RTF1: variants seen among roughly 807,000 people sequenced by gnomAD.
RTF1 encodes RNA polymerase-associated protein RTF1 homolog.
A neutral mutation model predicts 95.7 loss-of-function variants in RTF1; 10 were observed. The ratio of observed to expected loss-of-function variants is 0.10; its 90% CI spans 0.06 to 0.18. RTF1 has a LOEUF of 0.18. RTF1 is among the 10% of genes least tolerant of loss of function. The pLI is 1.00. For synonymous variants in RTF1, 305 were observed against 311.8 expected (o/e 0.98, Z 0.23); for missense variants, 458 against 875.6 (o/e 0.52, Z 6.02).
At chr15:41,430,047 GC>G (rs1215959645) in intron 1 of RTF1, among the ~76,000 whole-genome samples, 1 of 118,990 alleles carries the variant, frequency 8.4e-6, no homozygotes, top group Non-Finnish European at 1.7e-5. Context: ...TTGCTCTATT[GC>G]CCAGGCTGGA....
At chr15:41,452,406 T>C (rs1235667126) in intron 2 of RTF1, among the ~76,000 whole-genome samples, 2 of 151,780 alleles carry the variant, frequency 1.3e-5, no homozygotes, top group Non-Finnish European at 2.9e-5. Context: ...CACTGCACTC[T>C]AGCCTGGGTG....
chr15:41,460,121 GTTTTTT>G (rs869235078), intron 4 of RTF1, among the ~76,000 whole-genome samples: 4 of 83,454 alleles, frequency 4.8e-5, no homozygotes, highest in African/African-American at 1.8e-4. Flanking sequence ...TTTTGTTTTT[GTTTTTT>G]TTTTTTTTTT....
chr15:41,459,058 G>A (rs1396319434), intron 4 of RTF1, among the ~76,000 whole-genome samples: 1 of 150,186 alleles, frequency 6.7e-6, no homozygotes, highest in African/African-American at 2.5e-5. Context: ...GGCGACAGAG[G>A]GAGATTCCGT....
At chr15:41,458,026 T>G (rs2050828054) in intron 4 of RTF1, 150 bp downstream of exon 4, 1 of 637,866 alleles carries the variant, frequency 1.6e-6, no homozygotes, top group South Asian at 2.0e-5. Context: ...AGTGATGTAT[T>G]AAATTTCAAT....
intron 4 of RTF1, among the ~76,000 whole-genome samples, chr15:41,464,400 C>T (rs921116985): frequency 2.6e-5 from 4 of 151,554 alleles, no homozygotes; most frequent in Non-Finnish European, 5.9e-5. Context: ...AAGTGTGCGC[C>T]ACCATGCCCA....
chr15:41,421,470 A>G (rs2050600549), intron 1 of RTF1, among the ~76,000 whole-genome samples: 1 of 150,228 alleles, frequency 6.7e-6, no homozygotes, highest in African/African-American at 2.4e-5. Context: ...AAAAAAAAAA[A>G]AAGAATTTAA....
chr15:41,456,112 A>G (rs2050813984), intron 3 of RTF1, among the ~76,000 whole-genome samples: 1 of 151,748 alleles, frequency 6.6e-6, no homozygotes, highest in African/African-American at 2.4e-5. Flanking sequence ...AGGCTGAGGC[A>G]GGAGAATTGC....
At chr15:41,444,710 T>C (rs1339127094) in intron 2 of RTF1, among the ~76,000 whole-genome samples, 1 of 152,216 alleles carries the variant, frequency 6.6e-6, no homozygotes, top group Admixed American at 6.6e-5. Context: ...TACTGCTTTA[T>C]ACAGCTTCCT....
intron 9 of RTF1, 139 bp from the exon 10 acceptor site, chr15:41,475,386 G>C: frequency 1.5e-6 from 1 of 666,798 alleles, no homozygotes; most frequent in Non-Finnish European, 2.6e-6. Context: ...AAACAGCCTG[G>C]GATGATTTTA....
chr15:41,470,221 A>C (rs1566847904), intron 6 of RTF1, 36 bp from the exon 7 acceptor site: 1 of 1,595,010 alleles, frequency 6.3e-7, no homozygotes, highest in Non-Finnish European at 8.5e-7. Context: ...TTTCTTGTTG[A>C]GAAAACCTAG....
intron 1 of RTF1, among the ~76,000 whole-genome samples, chr15:41,429,194 C>T (rs1289506553): frequency 6.6e-6 from 1 of 152,170 alleles, no homozygotes; most frequent in Non-Finnish European, 1.5e-5. Flanking sequence ...AGCCACCACG[C>T]CCAGCCAATA....
At chr15:41,437,960 A>G (rs1031735894) in intron 1 of RTF1, among the ~76,000 whole-genome samples, 5 of 152,220 alleles carry the variant, frequency 3.3e-5, no homozygotes, top group African/African-American at 1.2e-4. Flanking sequence ...AAACCGGATA[A>G]AACAGTGACT....
intron 1 of RTF1, among the ~76,000 whole-genome samples, chr15:41,423,076 C>T (rs1472488830): frequency 6.6e-6 from 1 of 152,032 alleles, no homozygotes; most frequent in Non-Finnish European, 1.5e-5. Context: ...CCGGCCAGCC[C>T]TGTAAGTATT....
intron 2 of RTF1, among the ~76,000 whole-genome samples, chr15:41,441,116 C>T (rs546317545): frequency 3.3e-5 from 5 of 151,910 alleles, no homozygotes; most frequent in East Asian, 2.0e-4. Flanking sequence ...GGACTACAGG[C>T]GCCTGCCACC....
intron 1 of RTF1, among the ~76,000 whole-genome samples, chr15:41,418,147 A>C (rs570435409): frequency 6.6e-6 from 1 of 152,182 alleles, no homozygotes; most frequent in Non-Finnish European, 1.5e-5. Context: ...TCTAGAAAAC[A>C]TTGTAGGGAG....
At chr15:41,461,920 CTT>C (rs1225221132) in intron 4 of RTF1, among the ~76,000 whole-genome samples, 33 of 134,192 alleles carry the variant, frequency 2.5e-4, no homozygotes, top group Admixed American at 2.3e-4. Context: ...ATTTTTTTTT[CTT>C]TTTTTTTTTT....
chr15:41,463,559 G>A (rs2050863071), intron 4 of RTF1, among the ~76,000 whole-genome samples: 1 of 151,802 alleles, frequency 6.6e-6, no homozygotes, highest in Non-Finnish European at 1.5e-5. Flanking sequence ...ATGGCTGGCT[G>A]CAGCCTCAAT....
chr15:41,468,542 C>T (rs991937965), intron 6 of RTF1, among the ~76,000 whole-genome samples: 2 of 152,126 alleles, frequency 1.3e-5, no homozygotes, highest in Non-Finnish European at 2.9e-5. Context: ...TGGTCTTGAT[C>T]TCCTGACCTT....
At position 41,453,064 on chromosome 15, in the gene RTF1, T is replaced by C; in HGVS notation, c.457+16T>C. ...CCTGAGGAAGGTGAGCTGAGCAGCC[T>C]AGACCTGGAAGGTCAACTCCCACTC... is the stretch of plus-strand genomic sequence containing the variant. On this transcript the variant is annotated intron_variant, in intron 3 of 17. Coordinates refer to ENST00000389629, the MANE Select transcript of RTF1 (RefSeq NM_015138.5). The C allele has an allele frequency of 5.8e-6, 9 of 1,550,608 alleles. No individual in the cohort carries two copies. The highest frequency in any genetic ancestry group is 7.8e-6 in the Non-Finnish European group (9 of 1,153,668).
Sources: allele counts gnomAD v4.1 joint callset (sites outside exome capture counted in the v4.1 genomes callset), GRCh38; gene constraint gnomAD v4.1.1; transcripts MANE v1.5; gene names NCBI Gene and HGNC (gene_info 2026-07-23, HGNC 2026-07-21).